The following LRP1B variants were observed in gnomAD, a reference collection of about 807,000 sequenced individuals.
LRP1B encodes LDL receptor related protein 1B.
A neutral mutation model predicts 556.6 loss-of-function variants in LRP1B; 217 were observed. The observed-to-expected ratio is 0.39, with a 90% CI of 0.35 to 0.44. The LOEUF is 0.44. LRP1B is among the 20% of genes least tolerant of loss of function. The pLI, the probability that LRP1B is intolerant of heterozygous loss-of-function variation, is 1.00. For synonymous variants in LRP1B, 2,047 were observed against 1,865.8 expected (o/e 1.10, Z -2.50); for missense variants, 5,053 against 5,620.8 (o/e 0.90, Z 3.23).
intron 41 of LRP1B, among the ~76,000 whole-genome samples, chr2:140,640,543 C>G (rs1684255414): frequency 6.6e-6 from 1 of 150,558 alleles, no homozygotes; most frequent in African/African-American, 2.4e-5. Flanking sequence ...CTACAGGCGC[C>G]CGCCACCATG....
intron 1 of LRP1B, among the ~76,000 whole-genome samples, chr2:142,037,961 G>A (rs1201852610): frequency 6.6e-6 from 1 of 151,354 alleles, no homozygotes; most frequent in Non-Finnish European, 1.5e-5. Context: ...GATAGAAGGC[G>A]CCACCTAACG....
At chr2:140,469,213 G>A (rs1558903713) in intron 60 of LRP1B, among the ~76,000 whole-genome samples, 1 of 152,160 alleles carries the variant, frequency 6.6e-6, no homozygotes, top group African/African-American at 2.4e-5. Flanking sequence ...GGGCCTTTGG[G>A]AAGTGATTAA....
rs1680470117 is a variant in LRP1B at position 140,231,565 on chromosome 2, CAAG to C, written c.*1618_*1620del. ...GTTCAATTTAAAAAATGTACTTAAA[CAAG>C]AACCTGAAAAAGTTTATGATATGCA... On this transcript the variant is annotated 3_prime_UTR_variant, in exon 91 of 91. Transcript: ENST00000389484. 6.6e-6 allele frequency: 1 copy of C among 151,534 alleles called. No individual in the cohort carries two copies. The highest frequency in any genetic ancestry group is 1.5e-5 in the Non-Finnish European group (1 of 67,500). The allele number at this position is 151,534 out of a possible 1,614,324, so 9.4% of individuals were successfully genotyped here.
Position 140,262,689 on chromosome 2 carries a change from A to C in LRP1B, c.13247+7553T>G, listed in dbSNP as rs1682000603. 2.0e-5 allele frequency among the ~76,000 whole-genome samples: 3 copies of C among 152,144 alleles called. 1 individual carries two copies. The South Asian group carries it at 6.2e-4, about 32-fold the overall frequency. On this transcript the variant is annotated intron_variant, in intron 86 of 90. Coordinates refer to ENST00000389484, the MANE Select transcript of LRP1B (RefSeq NM_018557.3). ...TGTAAATATGCATTCGAAATCCAGAAAACAAGAGGAATACTTCTAAAGGGG... is the reference window on the plus strand; with the variant it reads ...TGTAAATATGCATTCGAAATCCAGACAACAAGAGGAATACTTCTAAAGGGG...
At chr2:141,251,103 T>A (rs527820969) in intron 4 of LRP1B, among the ~76,000 whole-genome samples, 7 of 152,202 alleles carry the variant, frequency 4.6e-5, no homozygotes, top group African/African-American at 1.7e-4. Context: ...TTGAGGGGTA[T>A]GGGGTGGAGA....
At chr2:141,550,564 C>T (rs149360390) in intron 2 of LRP1B, among the ~76,000 whole-genome samples, 131 of 152,154 alleles carry the variant, frequency 8.6e-4, no homozygotes, top group African/African-American at 2.9e-3. Flanking sequence ...ATTGGCTCTG[C>T]GTTATCCAAA....
intron 1 of LRP1B, among the ~76,000 whole-genome samples, chr2:141,920,727 T>C (rs942669936): frequency 1.3e-5 from 2 of 152,020 alleles, no homozygotes; most frequent in Non-Finnish European, 2.9e-5. Context: ...TCCATAGATA[T>C]TGGTTGCATT....
At chr2:140,747,838 G>A (rs979046323) in intron 35 of LRP1B, among the ~76,000 whole-genome samples, 35 of 151,926 alleles carry the variant, frequency 2.3e-4, no homozygotes, top group African/African-American at 7.7e-4. Context: ...GAGTAACTCT[G>A]AAAGTGTGTA....
intron 2 of LRP1B, among the ~76,000 whole-genome samples, chr2:141,686,272 T>C (rs1387578606): frequency 6.6e-6 from 1 of 151,990 alleles, no homozygotes; most frequent in Non-Finnish European, 1.5e-5. Flanking sequence ...AGCATAAATA[T>C]ATGTCATGTG....
chr2:141,260,676 A>G (rs1684650221), intron 3 of LRP1B, among the ~76,000 whole-genome samples: 1 of 152,228 alleles, frequency 6.6e-6, no homozygotes. Flanking sequence ...CCTATAGTCA[A>G]ATAACTCACA....
intron 2 of LRP1B, among the ~76,000 whole-genome samples, chr2:141,791,930 A>G (rs1695627780): frequency 6.6e-6 from 1 of 152,014 alleles, no homozygotes; most frequent in African/African-American, 2.4e-5. Flanking sequence ...GCTTTCCTAG[A>G]GAGTACATAG....
chr2:141,400,937 T>A (rs16846007), intron 3 of LRP1B, among the ~76,000 whole-genome samples: 1 of 152,084 alleles, frequency 6.6e-6, no homozygotes, highest in Non-Finnish European at 1.5e-5. Context: ...TATAGATGCA[T>A]CATTCCATTT....
At position 140,525,936 on chromosome 2, in the gene LRP1B, C is replaced by A; in HGVS notation, c.7934G>T (p.Arg2645Ile). ...KLGVKTTGFI[R>I]CNSTSLCVLP... Reference sequence around the variant, plus strand: ...AACACACAGTGAGGTAGAATTACATCTTATGAACCCTGTGGTTTTCACTCC... The same window carrying A: ...AACACACAGTGAGGTAGAATTACATATTATGAACCCTGTGGTTTTCACTCC... Residue 2645 changes from arginine (R) to isoleucine (I), a missense_variant, in exon 49 of 91, where the codon AGA (arginine) becomes ATA (isoleucine). This residue lies in a region of LRP1B where 3,619 missense variants were observed against 3,931.9 expected (regional missense o/e 0.92). Transcript: ENST00000389484. 1 of 1,612,310 alleles carries A rather than the reference C, an allele frequency of 6.2e-7. No individual in the cohort carries two copies.
At chr2:141,214,061 A>G (rs1360953426) in intron 6 of LRP1B, among the ~76,000 whole-genome samples, 11 of 152,106 alleles carry the variant, frequency 7.2e-5, no homozygotes, top group Admixed American at 6.5e-4. Context: ...AATATTTTTG[A>G]TCGATGGTTG....
chr2:140,256,291 A>G (rs776945355), intron 86 of LRP1B, among the ~76,000 whole-genome samples: 5 of 151,818 alleles, frequency 3.3e-5, no homozygotes, highest in Non-Finnish European at 4.4e-5. Context: ...ATTTCTCATA[A>G]CAAGGGAGAG....
intron 41 of LRP1B, among the ~76,000 whole-genome samples, chr2:140,607,789 A>C (rs987225159): frequency 6.6e-6 from 1 of 152,076 alleles, no homozygotes; most frequent in Admixed American, 6.6e-5. Flanking sequence ...TAGAAAATTT[A>C]AATACCTGGC....
chr2:140,272,243 G>A (rs555546881), intron 85 of LRP1B, among the ~76,000 whole-genome samples: 6 of 118,258 alleles, frequency 5.1e-5, no homozygotes, highest in Admixed American at 9.9e-5. Context: ...GGCATTCAGC[G>A]TATGTGCACA....
intron 27 of LRP1B, among the ~76,000 whole-genome samples, chr2:140,859,288 T>C (rs900530189): frequency 5.9e-5 from 9 of 152,184 alleles, no homozygotes; most frequent in Admixed American, 1.3e-4. Context: ...ATAATTCTAA[T>C]TGAAAATATT....
Position 141,325,918 on chromosome 2 carries a change from T to C in LRP1B, c.344-71277A>G, listed in dbSNP as rs762418424. 5.5e-4 allele frequency among the ~76,000 whole-genome samples: 83 copies of C among 152,146 alleles called. 1 individual carries two copies. The highest frequency in any genetic ancestry group is 1.1e-3 in the Non-Finnish European group (72 of 68,016). On this transcript the variant is annotated intron_variant, in intron 3 of 90. Transcript: ENST00000389484. ...GGCTAAAAGGTGAGCTATATGTTTA[T>C]AATATTTTATCTAAAATTTCAGAAT...
Sources: gnomAD v4.1 joint callset for allele counts (sites outside exome capture counted in the v4.1 genomes callset) on GRCh38, gnomAD v4.1.1 for gene constraint, gnomAD v4.1.1 regional missense constraint, MANE v1.5 for transcripts, NCBI Gene and HGNC (gene_info 2026-07-23, HGNC 2026-07-21) for gene names.